Variants in CPLX3 observed in about 807,000 individuals in gnomAD.
The protein encoded by CPLX3 is complexin 3.
In CPLX3, 12 loss-of-function variants were observed where a neutral mutation model predicts 17.2. The ratio of observed to expected loss-of-function variants is 0.70; its 90% confidence interval spans 0.45 to 1.13. The LOEUF is 1.13. Ranked by LOEUF, CPLX3 falls within the 50% of genes most tolerant of loss-of-function variation. CPLX3 has a pLI of 0.00. For synonymous variants in CPLX3, 75 were observed against 79.4 expected, an observed-to-expected ratio of 0.94 and a Z score of 0.29; for missense variants, 172 against 203.2, an observed-to-expected ratio of 0.85 and a Z score of 0.93.
intron 1 of CPLX3, 144 bp downstream of exon 1, chr15:74,827,011 A>G (rs1366233770): frequency 5.7e-6 from 4 of 704,188 alleles, no homozygotes; most frequent in South Asian, 1.9e-5. Context: ...TGTCCTCTAC[A>G]CTGCCCCCAG....
chr15:74,830,068 T>G, intron 2 of CPLX3, 62 bp from the exon 3 acceptor site: 1 of 1,304,448 alleles, frequency 7.7e-7, no homozygotes, highest in South Asian at 1.2e-5. Flanking sequence ...CCCTGTCCTC[T>G]CAACTCTGGG....
rs1313488409 is a variant in CPLX3, at chr15:74,826,775, G to T, written c.72G>T (p.Glu24Asp). ...KNLTGSLGGG[E>D]DKGDGDKSAA... Reference sequence around the variant, plus strand: ...TCACTGGGAGCCTGGGAGGCGGCGAGGATAAGGGAGATGGGGACAAGTCGG... The same window carrying T: ...TCACTGGGAGCCTGGGAGGCGGCGATGATAAGGGAGATGGGGACAAGTCGG... Residue 24 changes from glutamate to aspartate, a missense_variant, in exon 1 of 3, where the codon GAG (glutamate) becomes GAT (aspartate). Coordinates refer to ENST00000395018, the MANE Select transcript of CPLX3 (RefSeq NM_001030005.3). This position sits in a 1 kb window ranked among gnomAD's most constrained non-coding sequence, Gnocchi z 5.0. 1 of 1,609,690 alleles carries T rather than the reference G, an allele frequency of 6.2e-7. No individual in the cohort carries two copies. Among genetic ancestry groups the T allele is most frequent in the East Asian group, 2.3e-5 (1 of 43,952 alleles).
intron 2 of CPLX3, among the ~76,000 whole-genome samples, chr15:74,829,778 T>TAATTTA (rs1858844394): frequency 6.6e-6 from 1 of 151,880 alleles, no homozygotes; most frequent in African/African-American, 2.4e-5. Context: ...TGAAATAAGG[T>TAATTTA]AATATAAAAA....
chr15:74,830,137 C>G lies in CPLX3; in HGVS notation c.260C>G (p.Thr87Arg). The stretch of plus-strand genomic sequence containing the variant: ...TTCCCCTCTTCCCTTCAGAACGAGA[C>G]AGATGAGAGCCAGATCCAGATGGCA... Reference protein sequence around the residue: ...RDKYRLPKNETDESQIQMAGG... With the variant: ...RDKYRLPKNERDESQIQMAGG... The change falls in exon 3 of 3, where the codon ACA becomes AGA. Residue 87 changes from threonine (T) to arginine (R), a missense_variant. Coordinates refer to ENST00000395018, the MANE Select transcript of CPLX3 (RefSeq NM_001030005.3). The G allele has an allele frequency of 6.2e-7, 1 of 1,613,610 alleles. No homozygotes were observed. The highest frequency in any genetic ancestry group is 2.2e-5 in the East Asian group (1 of 44,898).
rs1179248942 is a variant in CPLX3, at chr15:74,830,834, C to T, written c.*480C>T. 2 of 156,710 alleles carry T rather than the reference C, an allele frequency of 1.3e-5. No homozygotes were observed. Among genetic ancestry groups the T allele is most frequent in the Non-Finnish European group, 2.8e-5 (2 of 70,760 alleles). 9.7% of individuals were successfully genotyped at this position (156,710 alleles called of 1,614,324 possible). A position where few individuals can be genotyped will look rare whatever the true frequency, so the allele number is the denominator to read the frequency against. On this transcript the variant is annotated 3_prime_UTR_variant, in exon 3 of 3. Coordinates refer to ENST00000395018, the MANE Select transcript of CPLX3 (RefSeq NM_001030005.3). The stretch of plus-strand genomic sequence containing the variant: ...AGCATGGGCAGACACCCTCAGCAGA[C>T]AGGAGGCCTGAGTTCCAGTCTCCAC...
chr15:74,828,399 C>A (rs1000950751), intron 2 of CPLX3, among the ~76,000 whole-genome samples: 5 of 152,170 alleles, frequency 3.3e-5, no homozygotes, highest in African/African-American at 1.2e-4. Flanking sequence ...CTCTCCTCCA[C>A]CCCCCATATC....
intron 1 of CPLX3, among the ~76,000 whole-genome samples, chr15:74,827,337 G>A (rs2063948608): frequency 1.3e-5 from 2 of 152,202 alleles, no homozygotes; most frequent in Non-Finnish European, 2.9e-5. Flanking sequence ...ACAGAGTTTG[G>A]GGCTGGACTC....
At position 74,826,995 on chromosome 15, in the gene CPLX3, G is replaced by A. The variant is rs1361799069; in HGVS notation, c.164+128G>A. The A allele has an allele frequency of 4.8e-6, 4 of 837,520 alleles. No homozygotes were observed. The highest frequency in any genetic ancestry group is 6.3e-5 in the East Asian group (2 of 31,516). 51.9% of individuals were successfully genotyped at this position (837,520 alleles called of 1,614,324 possible). On this transcript the variant is annotated intron_variant, in intron 1 of 2. Transcript: ENST00000395018. This position sits in a 1 kb window ranked among gnomAD's most constrained non-coding sequence, Gnocchi z 5.0. Reference sequence around the variant, plus strand: ...ACTTTCCTAGACACGGTAAGAGACCGGGAGGTGTCCTCTACACTGCCCCCA... The same window carrying A: ...ACTTTCCTAGACACGGTAAGAGACCAGGAGGTGTCCTCTACACTGCCCCCA...
chr15:74,826,693 CGGCGAAGACCATGGCGTTCAT>C lies in CPLX3; in HGVS notation c.-8_13del. The C allele has an allele frequency of 6.3e-7, 1 of 1,599,864 alleles. No homozygotes were observed. Among genetic ancestry groups the C allele is most frequent in the Non-Finnish European group, 8.5e-7 (1 of 1,174,052 alleles). On this transcript the variant is annotated start_lost and 5_prime_UTR_variant, in exon 1 of 3. Coordinates refer to ENST00000395018, the MANE Select transcript of CPLX3 (RefSeq NM_001030005.3). The surrounding 1 kb of genome is among the most constrained non-coding windows in gnomAD (Gnocchi z 5.0). ...GGTAGCAGGCGCCCGGTGCCCCGGC[CGGCGAAGACCATGGCGTTCAT>C]GGTGAAGACCATGGTGGGCGGCCAG...
chr15:74,829,066 A>C (rs2063956525), intron 2 of CPLX3, among the ~76,000 whole-genome samples: 1 of 152,144 alleles, frequency 6.6e-6, no homozygotes, highest in Non-Finnish European at 1.5e-5. Flanking sequence ...CATCACATTC[A>C]CTCATTCAAC....
Position 74,826,691 on chromosome 15 carries a change from G to A in CPLX3, c.-13G>A. 1 of 1,599,896 alleles carries A rather than the reference G, an allele frequency of 6.3e-7. No individual in the cohort carries two copies. On this transcript the variant is annotated 5_prime_UTR_variant, in exon 1 of 3. Transcript: ENST00000395018. The surrounding 1 kb of genome is among the most constrained non-coding windows in gnomAD (Gnocchi z 5.0). ...GTGGTAGCAGGCGCCCGGTGCCCCG[G>A]CCGGCGAAGACCATGGCGTTCATGG... is the stretch of plus-strand genomic sequence containing the variant.
chr15:74,828,005 T>G, intron 1 of CPLX3, 29 bp from the exon 2 acceptor site: 1 of 1,571,834 alleles, frequency 6.4e-7, no homozygotes, highest in Non-Finnish European at 8.7e-7. Context: ...TCAGCCCTCG[T>G]GGTGACTCTG....
chr15:74,828,554 T>G (rs1054433384), intron 2 of CPLX3, among the ~76,000 whole-genome samples: 13 of 152,154 alleles, frequency 8.5e-5, no homozygotes, highest in African/African-American at 2.9e-4. Context: ...AGAAGCCCTG[T>G]GTGTGCCAAG....
At chr15:74,829,655 C>T (rs1186627211) in intron 2 of CPLX3, among the ~76,000 whole-genome samples, 1 of 152,132 alleles carries the variant, frequency 6.6e-6, no homozygotes, top group East Asian at 1.9e-4. Flanking sequence ...TTTTTGGTTA[C>T]ACCCTTAAGC....
chr15:74,830,164 G>C lies in CPLX3; in HGVS notation c.287G>C (p.Gly96Ala). ...ETDESQIQMA[G>A]GDVELPRELA... is the part of the protein sequence containing the mutation. ...GATGAGAGCCAGATCCAGATGGCAGGTGGAGACGTGGAGCTGCCCCGGGAG... is the reference window on the plus strand; with the variant it reads ...GATGAGAGCCAGATCCAGATGGCAGCTGGAGACGTGGAGCTGCCCCGGGAG... The change falls in exon 3 of 3, where the codon GGT (glycine) becomes GCT (alanine). Residue 96 changes from glycine to alanine, a missense_variant. Gly to Ala is a moderately conservative substitution (Grantham distance 60). Transcript: ENST00000395018. 6.2e-7 allele frequency: 1 copy of C among 1,613,986 alleles called. No individual in the cohort carries two copies. Among genetic ancestry groups the C allele is most frequent in the Non-Finnish European group, 8.5e-7 (1 of 1,180,020 alleles).
chr15:74,826,910 A>AC lies in CPLX3; in HGVS notation c.164+48dup. 6.4e-7 allele frequency: 1 copy of AC among 1,552,084 alleles called. No individual in the cohort carries two copies. Among genetic ancestry groups the AC allele is most frequent in the Non-Finnish European group, 8.8e-7 (1 of 1,141,764 alleles). On this transcript the variant is annotated intron_variant, in intron 1 of 2. Coordinates refer to ENST00000395018, the MANE Select transcript of CPLX3 (RefSeq NM_001030005.3). This position sits in a 1 kb window ranked among gnomAD's most constrained non-coding sequence, Gnocchi z 5.0. ...CTGGCTCCAACGACCTCCCCTCCCCACCCCCACAGCTGCTCAGTCCATCCC... is the reference window on the plus strand; with the variant it reads ...CTGGCTCCAACGACCTCCCCTCCCCACCCCCCACAGCTGCTCAGTCCATCCC...
chr15:74,828,326 G>T (rs920275767), intron 2 of CPLX3, among the ~76,000 whole-genome samples: 5 of 152,210 alleles, frequency 3.3e-5, no homozygotes, highest in African/African-American at 4.8e-5. Flanking sequence ...GCTTTGTGCT[G>T]AGGGGACCCC....
At position 74,831,523 on chromosome 15, in the gene CPLX3, G is replaced by A. The variant is rs1390617356; in HGVS notation, c.*1169G>A. Reference sequence around the variant, plus strand: ...CACTGAGACCACAGGTGGGGCCGGGGCTGGACCGCAGCTGTCTTGGGTGCC... The same window carrying A: ...CACTGAGACCACAGGTGGGGCCGGGACTGGACCGCAGCTGTCTTGGGTGCC... On this transcript the variant is annotated 3_prime_UTR_variant, in exon 3 of 3. Transcript: ENST00000395018. 1 of 152,274 alleles carries A rather than the reference G, an allele frequency of 6.6e-6. No individual in the cohort carries two copies. The highest frequency in any genetic ancestry group is 1.5e-5 in the Non-Finnish European group (1 of 68,138). The allele number at this position is 152,274 out of a possible 1,614,324, so 9.4% of individuals were successfully genotyped here. A position where few individuals can be genotyped will look rare whatever the true frequency, so the allele number is the denominator to read the frequency against.
At chr15:74,828,901 C>T (rs7171959) in intron 2 of CPLX3, among the ~76,000 whole-genome samples, 9,114 of 152,170 alleles carry the variant, frequency 0.06, 906 homozygotes, top group African/African-American at 0.21. Context: ...AAGTGTGCTG[C>T]TCCTGTTGTC....
Sources: allele counts gnomAD v4.1 joint callset (sites outside exome capture counted in the v4.1 genomes callset), GRCh38; gene constraint gnomAD v4.1.1; non-coding constraint Gnocchi (gnomAD v3.1); transcripts MANE v1.5; gene names NCBI Gene and HGNC (gene_info 2026-07-23, HGNC 2026-07-21).